The following RGS7 variants were observed in gnomAD, a reference collection of about 807,000 sequenced individuals.
RGS7 encodes regulator of G protein signaling 7.
A neutral mutation model predicts 81.1 loss-of-function variants in RGS7; 27 were observed. The observed-to-expected ratio is 0.33, with a 90% confidence interval of 0.25 to 0.46. The LOEUF (loss-of-function observed/expected upper bound fraction) is 0.46. RGS7 is among the 20% of genes least tolerant of loss of function. RGS7 has a pLI of 1.00. For synonymous variants in RGS7, 208 were observed against 207.7 expected, an observed-to-expected ratio of 1.00 and a Z score of -0.01; for missense variants, 396 against 607.4, an observed-to-expected ratio of 0.65 and a Z score of 3.66.
At chr1:241,200,357 G>A (rs1032523274) in intron 2 of RGS7, among the ~76,000 whole-genome samples, 1 of 151,832 alleles carries the variant, frequency 6.6e-6, no homozygotes, top group African/African-American at 2.4e-5. Flanking sequence ...ATATCTTAAA[G>A]GTACTGCTCA....
At chr1:241,297,034 G>A (rs72760580) in intron 2 of RGS7, among the ~76,000 whole-genome samples, 23,850 of 151,694 alleles carry the variant, frequency 0.16, 2,357 homozygotes, top group Middle Eastern at 0.25. Context: ...TTCCTGTAAA[G>A]ACAAACTTGC....
rs2070876260 is a variant in RGS7, at chr1:241,173,428, A to G, written c.79-74666T>C. On this transcript the variant is annotated intron_variant, in intron 2 of 18. Coordinates refer to ENST00000440928, the MANE Select transcript of RGS7 (RefSeq NM_001364886.1). ...AGAGTTTTTATTTTAATGCATATAGAAAGCATGATTGATTAGTCTGAAACT... is the reference window on the plus strand; with the variant it reads ...AGAGTTTTTATTTTAATGCATATAGGAAGCATGATTGATTAGTCTGAAACT... 1.3e-5 allele frequency among the ~76,000 whole-genome samples: 2 copies of G among 152,332 alleles called. 1 individual carries two copies. The highest frequency in any genetic ancestry group is 4.1e-4 in the South Asian group (2 of 4,830).
intron 9 of RGS7, among the ~76,000 whole-genome samples, chr1:240,853,718 C>T (rs901383280): frequency 7.2e-5 from 11 of 151,736 alleles, no homozygotes; most frequent in East Asian, 1.9e-4. Context: ...CGGGCTAACA[C>T]GGTGAAACCC....
chr1:241,062,503 C>G (rs2061791836), intron 3 of RGS7, among the ~76,000 whole-genome samples: 1 of 152,132 alleles, frequency 6.6e-6, no homozygotes, highest in African/African-American at 2.4e-5. Context: ...TTAAATCTCT[C>G]AATGGAAGTT....
intron 3 of RGS7, among the ~76,000 whole-genome samples, chr1:241,083,656 T>G (rs1221398356): frequency 6.6e-6 from 1 of 152,210 alleles, no homozygotes; most frequent in African/African-American, 2.4e-5. Flanking sequence ...AAGAATTAAT[T>G]TTTTTCCTAA....
intron 3 of RGS7, among the ~76,000 whole-genome samples, chr1:241,033,521 A>C (rs977261660): frequency 6.6e-6 from 1 of 152,092 alleles, no homozygotes; most frequent in Non-Finnish European, 1.5e-5. Context: ...ATTTTATATA[A>C]AAATGATATT....
intron 2 of RGS7, among the ~76,000 whole-genome samples, chr1:241,184,835 A>G (rs893170719): frequency 6.6e-6 from 1 of 152,230 alleles, no homozygotes; most frequent in African/African-American, 2.4e-5. Context: ...CCTGTACAAT[A>G]GAATTTCAGG....
chr1:241,250,308 C>T (rs2076767153), intron 2 of RGS7, among the ~76,000 whole-genome samples: 1 of 152,124 alleles, frequency 6.6e-6, no homozygotes. Context: ...TCAGAGTAAA[C>T]TTAAATCTTA....
At chr1:241,107,691 T>C (rs1249654843) in intron 2 of RGS7, among the ~76,000 whole-genome samples, 17 of 152,230 alleles carry the variant, frequency 1.1e-4, no homozygotes, top group Admixed American at 1.1e-3. Context: ...CCTCAAACGT[T>C]GTGCTCAAAT....
intron 2 of RGS7, among the ~76,000 whole-genome samples, chr1:241,215,352 G>A (rs978371430): frequency 6.6e-6 from 1 of 152,072 alleles, no homozygotes; most frequent in Non-Finnish European, 1.5e-5. Context: ...CTAACTTCAC[G>A]GGACTCATAC....
intron 2 of RGS7, among the ~76,000 whole-genome samples, chr1:241,298,977 A>G (rs2079577931): frequency 6.6e-6 from 1 of 152,202 alleles, no homozygotes; most frequent in Middle Eastern, 3.2e-3. Flanking sequence ...TATGTCTGGA[A>G]ACACATGTGC....
chr1:241,016,023 A>G (rs2459940), intron 3 of RGS7, among the ~76,000 whole-genome samples: 143,907 of 152,250 alleles, frequency 0.95, 68,531 homozygotes, highest in East Asian at 1. Context: ...GTCTTAATTT[A>G]TTGTTTAATT....
chr1:241,183,422 C>T (rs2071809321), intron 2 of RGS7, among the ~76,000 whole-genome samples: 2 of 152,156 alleles, frequency 1.3e-5, no homozygotes, highest in South Asian at 4.1e-4. Flanking sequence ...TTGCAAATAA[C>T]TAAACAGGCC....
At position 241,270,761 on chromosome 1, in the gene RGS7, C is replaced by CT. The variant is rs1043826920; in HGVS notation, c.78+84937dup. On this transcript the variant is annotated intron_variant, in intron 2 of 18. Coordinates refer to ENST00000440928, the MANE Select transcript of RGS7 (RefSeq NM_001364886.1). ...TGTTCATAGAAATAAACCCCCCCCCCTTTTTTTTTTTCTTGAGACGGAGTC... is the reference window on the plus strand; with the variant it reads ...TGTTCATAGAAATAAACCCCCCCCCCTTTTTTTTTTTTCTTGAGACGGAGTC... Among the ~76,000 whole-genome samples, 82 of 148,980 alleles carry CT rather than the reference C, an allele frequency of 5.5e-4. 1 individual carries two copies. The highest frequency in any genetic ancestry group is 2.8e-3 in the East Asian group (14 of 5,046).
chr1:240,820,329 G>A (rs556986381), intron 10 of RGS7, among the ~76,000 whole-genome samples: 1 of 152,246 alleles, frequency 6.6e-6, no homozygotes, highest in Admixed American at 6.5e-5. Flanking sequence ...ATGGTGCTAA[G>A]ACAAGCACTT....
At chr1:240,919,110 A>G (rs1437328826) in intron 6 of RGS7, among the ~76,000 whole-genome samples, 1 of 152,122 alleles carries the variant, frequency 6.6e-6, no homozygotes, top group East Asian at 1.9e-4. Context: ...CCAAAACAGA[A>G]AGCCACCAAG....
intron 3 of RGS7, chr1:240,998,477 T>A (rs1301990508): frequency 9.9e-7 from 1 of 1,007,812 alleles, no homozygotes. Context: ...CATGTCACCA[T>A]CAGACTTCTC....
At chr1:241,044,337 C>T (rs1363822629) in intron 3 of RGS7, among the ~76,000 whole-genome samples, 1 of 151,908 alleles carries the variant, frequency 6.6e-6, no homozygotes, top group Non-Finnish European at 1.5e-5. Context: ...CTCAAACTCC[C>T]GACCTCAAGT....
At chr1:240,853,643 C>A (rs971339797) in intron 9 of RGS7, among the ~76,000 whole-genome samples, 3 of 152,052 alleles carry the variant, frequency 2.0e-5, no homozygotes, top group Non-Finnish European at 4.4e-5. Flanking sequence ...CAGTGACTCA[C>A]GCCTGAAACC....
Sources: allele counts gnomAD v4.1 joint callset (sites outside exome capture counted in the v4.1 genomes callset), GRCh38; gene constraint gnomAD v4.1.1; transcripts MANE v1.5; gene names NCBI Gene and HGNC (gene_info 2026-07-23, HGNC 2026-07-21).